IQUB: variants seen among roughly 807,000 people sequenced by gnomAD.
The protein encoded by IQUB is IQ motif and ubiquitin domain containing.
In IQUB, 86 loss-of-function variants were observed where a neutral mutation model predicts 86.4. The ratio of observed to expected loss-of-function variants is 1.00; its 90% CI spans 0.84 to 1.19. The LOEUF (loss-of-function observed/expected upper bound fraction) is 1.19, where lower values mean the gene tolerates loss of function less well. IQUB is among the 50% of genes most tolerant of loss of function. IQUB has a pLI of 0.00. For synonymous variants in IQUB, 289 were observed against 304.5 expected (o/e 0.95, Z 0.53); for missense variants, 946 against 916.9 (o/e 1.03, Z -0.41).
chr7:123,519,057 A>G (rs1796784999), intron 1 of IQUB, among the ~76,000 whole-genome samples: 1 of 152,216 alleles, frequency 6.6e-6, no homozygotes, highest in Admixed American at 6.5e-5. Context: ...GTATATGAAA[A>G]AATACTCAAC....
At chr7:123,517,253 A>C (rs934186762) in intron 1 of IQUB, among the ~76,000 whole-genome samples, 1 of 151,502 alleles carries the variant, frequency 6.6e-6, no homozygotes, top group African/African-American at 2.4e-5. Context: ...CTATATCGGC[A>C]GGGCGCTGTG....
At chr7:123,528,632 A>G (rs1261556979) in intron 1 of IQUB, among the ~76,000 whole-genome samples, 1 of 152,176 alleles carries the variant, frequency 6.6e-6, no homozygotes, top group Non-Finnish European at 1.5e-5. Flanking sequence ...TGATGAAGAA[A>G]AAGTCTAGAA....
chr7:123,498,073 G>GA (rs112182877), intron 6 of IQUB, among the ~76,000 whole-genome samples: 128 of 141,148 alleles, frequency 9.1e-4, no homozygotes, highest in African/African-American at 1.0e-3. Flanking sequence ...CACCCAGGAT[G>GA]AAAAAAAAAA....
intron 8 of IQUB, among the ~76,000 whole-genome samples, chr7:123,469,961 T>A (rs1584562835): frequency 1.3e-5 from 2 of 152,304 alleles, no homozygotes; most frequent in East Asian, 3.9e-4. Context: ...GGTTCCTGCC[T>A]CCCTGATGCT....
intron 7 of IQUB, among the ~76,000 whole-genome samples, chr7:123,491,635 TGATA>T (rs1227012013): frequency 6.6e-6 from 1 of 152,220 alleles, no homozygotes; most frequent in Non-Finnish European, 1.5e-5. Flanking sequence ...GCTTACTCAA[TGATA>T]AATAAGTCAC....
At chr7:123,493,281 AC>A (rs1417779770) in intron 7 of IQUB, among the ~76,000 whole-genome samples, 1 of 151,670 alleles carries the variant, frequency 6.6e-6, no homozygotes, top group Non-Finnish European at 1.5e-5. Flanking sequence ...ACCCACCCCA[AC>A]CCCAAAGCAT....
chr7:123,460,252 A>T (rs1236515387), intron 11 of IQUB, among the ~76,000 whole-genome samples: 1 of 151,918 alleles, frequency 6.6e-6, no homozygotes, highest in Non-Finnish European at 1.5e-5. Flanking sequence ...AACTCAATAA[A>T]GTGTGTAAAG....
intron 1 of IQUB, among the ~76,000 whole-genome samples, chr7:123,514,135 A>T (rs959416040): frequency 6.6e-6 from 1 of 152,246 alleles, no homozygotes; most frequent in African/African-American, 2.4e-5. Context: ...TGAAAGTACA[A>T]TGATAAAGAA....
intron 2 of IQUB, 24 bp from the exon 3 acceptor site, chr7:123,510,059 G>T (rs1332565009): frequency 2.0e-6 from 3 of 1,476,026 alleles, no homozygotes; most frequent in East Asian, 2.3e-5. Context: ...AGAAAAGAAA[G>T]AATTATAGTC....
At chr7:123,499,851 T>C (rs1470320814) in intron 6 of IQUB, among the ~76,000 whole-genome samples, 2 of 152,126 alleles carry the variant, frequency 1.3e-5, no homozygotes, top group African/African-American at 4.8e-5. Flanking sequence ...AGCTAGGCAT[T>C]GTAAGCCACA....
intron 8 of IQUB, among the ~76,000 whole-genome samples, chr7:123,472,892 T>A (rs1794595346): frequency 1.3e-5 from 2 of 152,202 alleles, no homozygotes; most frequent in African/African-American, 2.4e-5. Context: ...ACAACAATCA[T>A]GTACTTAAAT....
At chr7:123,498,838 G>A (rs1795818304) in intron 6 of IQUB, among the ~76,000 whole-genome samples, 2 of 152,188 alleles carry the variant, frequency 1.3e-5, no homozygotes, top group South Asian at 4.1e-4. Context: ...ATACACAAGG[G>A]AAGTGATGAA....
At chr7:123,488,406 G>C (rs1248597680) in intron 7 of IQUB, among the ~76,000 whole-genome samples, 2 of 151,906 alleles carry the variant, frequency 1.3e-5, no homozygotes, top group Non-Finnish European at 2.9e-5. Context: ...ACCCCTACAG[G>C]TCAAATAGCA....
chr7:123,513,974 G>T lies in IQUB; in HGVS notation c.-4-1630C>A, dbSNP rs145356335. Reference sequence around the variant, plus strand: ...AGGAAAAATATTTTAAAAGGTTATAGCTGAGAACTCTTCAAAACTGATAAA... The same window carrying T: ...AGGAAAAATATTTTAAAAGGTTATATCTGAGAACTCTTCAAAACTGATAAA... On this transcript the variant is annotated intron_variant, in intron 1 of 12. Transcript: ENST00000324698. Among the ~76,000 whole-genome samples the T allele has an allele frequency of 5.0e-4, 76 of 152,296 alleles. 1 individual carries two copies. The highest frequency in any genetic ancestry group is 1.8e-3 in the African/African-American group (75 of 41,574).
intron 6 of IQUB, among the ~76,000 whole-genome samples, chr7:123,500,774 C>T (rs1038360881): frequency 6.6e-6 from 1 of 152,072 alleles, no homozygotes; most frequent in Non-Finnish European, 1.5e-5. Flanking sequence ...TAGATTTTCA[C>T]TTCCTCTGCT....
chr7:123,456,143 G>A (rs1354381339), intron 12 of IQUB, among the ~76,000 whole-genome samples: 1 of 151,976 alleles, frequency 6.6e-6, no homozygotes, highest in South Asian at 2.1e-4. Flanking sequence ...TGCAAATCTT[G>A]GTGCCCTTTA....
chr7:123,514,498 C>T (rs1013597118), intron 1 of IQUB, among the ~76,000 whole-genome samples: 1 of 151,910 alleles, frequency 6.6e-6, no homozygotes, highest in Non-Finnish European at 1.5e-5. Context: ...ACTGTTAATA[C>T]AAAATGATAG....
intron 1 of IQUB, among the ~76,000 whole-genome samples, chr7:123,515,842 T>C: frequency 6.6e-6 from 1 of 152,178 alleles, no homozygotes; most frequent in East Asian, 1.9e-4. Context: ...AAGCCAGCTT[T>C]ACTAAGGCTG....
chr7:123,488,127 C>T (rs1409990457), intron 7 of IQUB, among the ~76,000 whole-genome samples: 10 of 151,588 alleles, frequency 6.6e-5, no homozygotes, highest in Admixed American at 5.3e-4. Flanking sequence ...GGGCGGATCA[C>T]GAGGTCAGGA....
Sources: gnomAD v4.1 joint callset for allele counts (sites outside exome capture counted in the v4.1 genomes callset) on GRCh38, gnomAD v4.1.1 for gene constraint, MANE v1.5 for transcripts, NCBI Gene and HGNC (gene_info 2026-07-23, HGNC 2026-07-21) for gene names.